Variants in FAM186A observed in about 807,000 individuals in gnomAD.
FAM186A encodes the protein family with sequence similarity 186 member A.
FAM186A carries 163 observed loss-of-function variants against 216.8 expected under a neutral mutation model. The ratio of observed to expected loss-of-function variants is 0.75; its 90% CI spans 0.66 to 0.86. The LOEUF is 0.86. Ranked by LOEUF, FAM186A falls within the 40% of genes least tolerant of loss-of-function variation. FAM186A has a pLI of 0.00. For missense variants in FAM186A, 2,184 were observed against 2,746.2 expected (o/e 0.80, Z 4.58); for synonymous variants, 805 against 1,025.3 (o/e 0.79, Z 4.10).
At chr12:50,346,259 A>AAGAAAGAAAGAAAGAAAGAAAGAT (rs1351669544) in intron 4 of FAM186A, among the ~76,000 whole-genome samples, 1 of 150,622 alleles carries the variant, frequency 6.6e-6, no homozygotes, top group Non-Finnish European at 1.5e-5. Context: ...GAAAGAAAGA[A>AAGAAAGAAAGAAAGAAAGAAAGAT]AGAAAGTCAT....
intron 1 of FAM186A, among the ~76,000 whole-genome samples, chr12:50,379,908 G>C (rs551765701): frequency 3.3e-5 from 5 of 152,174 alleles, no homozygotes; most frequent in Non-Finnish European, 5.9e-5. Context: ...ATACAAGAAG[G>C]ATAAGCCAGA....
Position 50,354,096 on chromosome 12 carries a change from C to T in FAM186A, c.2736G>A (p.Gln912=). The T allele has an allele frequency of 6.4e-7, 1 of 1,551,738 alleles. No individual in the cohort carries two copies. The highest frequency in any genetic ancestry group is 8.7e-7 in the Non-Finnish European group (1 of 1,147,006). Reference sequence around the variant, plus strand: ...TTGACTTTGGAAGCTCTTCTTCCTCCTGTCCTCTTTGCTTTTGCTTTTCCT... The same window carrying T: ...TTGACTTTGGAAGCTCTTCTTCCTCTTGTCCTCTTTGCTTTTGCTTTTCCT... ...EQEEKQKQRG[Q]EEEELPKSSL... Residue 912 remains glutamine, a synonymous_variant, in exon 4 of 8, where the codon CAG becomes CAA. Transcript: ENST00000327337.
intron 1 of FAM186A, among the ~76,000 whole-genome samples, chr12:50,385,095 A>T (rs1943289496): frequency 6.8e-6 from 1 of 147,180 alleles, no homozygotes; most frequent in Admixed American, 6.8e-5. Context: ...ATGAGCCACC[A>T]TGCCCAGCCT....
chr12:50,366,644 AAAAAC>A (rs57311928), intron 1 of FAM186A, among the ~76,000 whole-genome samples: 55,670 of 113,064 alleles, frequency 0.49, 13,845 homozygotes, highest in East Asian at 0.65. Flanking sequence ...AAAAAAAAAA[AAAAAC>A]GTGATCATCA....
intron 4 of FAM186A, among the ~76,000 whole-genome samples, chr12:50,348,423 A>T (rs1428368678): frequency 6.6e-6 from 1 of 151,954 alleles, no homozygotes; most frequent in East Asian, 1.9e-4. Context: ...AGGTTTCACC[A>T]TGTTGGCCAG....
chr12:50,394,131 T>C (rs78001136), intron 1 of FAM186A, among the ~76,000 whole-genome samples: 16,680 of 151,998 alleles, frequency 0.11, 1,821 homozygotes, highest in East Asian at 0.48. Context: ...TATTGGCCAG[T>C]TGGTCTTGAA....
intron 1 of FAM186A, among the ~76,000 whole-genome samples, 196 bp downstream of exon 1, chr12:50,396,097 T>C (rs1010501158): frequency 6.6e-6 from 1 of 152,226 alleles, no homozygotes; most frequent in African/African-American, 2.4e-5. Flanking sequence ...TTAAACCTGA[T>C]ATAAAGAGAT....
At chr12:50,347,501 C>T (rs1942831545) in intron 4 of FAM186A, among the ~76,000 whole-genome samples, 1 of 151,910 alleles carries the variant, frequency 6.6e-6, no homozygotes. Flanking sequence ...GAGGCTGAGG[C>T]AGGTGGACCA....
rs78724690 is a variant in FAM186A at position 50,355,101 on chromosome 12, C to T, written c.1731G>A (p.Glu577=). The T allele has an allele frequency of 3.2e-6, 5 of 1,551,660 alleles. No homozygotes were observed. The highest frequency in any genetic ancestry group is 1.4e-5 in the African/African-American group (1 of 73,158). ...VEPTTESLDK[E]GKGEIRSLVE... ...CTAGGCTTCTAATTTCACCTTTGCC[C>T]TCTTTGTCCAATGACTCAGTGGTGG... is the stretch of plus-strand genomic sequence containing the variant. The change falls in exon 4 of 8, where the codon GAG becomes GAA. Residue 577 remains glutamate, a synonymous_variant. Coordinates refer to ENST00000327337, the MANE Select transcript of FAM186A (RefSeq NM_001145475.3).
Position 50,363,326 on chromosome 12 carries a change from C to T in FAM186A, c.231G>A (p.Val77=). 5 of 1,551,160 alleles carry T rather than the reference C, an allele frequency of 3.2e-6. No individual in the cohort carries two copies. The South Asian group carries it at 6.0e-5, about 18-fold the overall frequency. The change falls in exon 2 of 8, where the codon GTG becomes GTA. Residue 77 remains valine (V), a synonymous_variant. Coordinates refer to ENST00000327337, the MANE Select transcript of FAM186A (RefSeq NM_001145475.3). ...DMQLSEIMNN[V]HRIMTRYTLV... ...GAGTATAGCGAGTCATTATCCGATG[C>T]ACATTGTTCATTATTTCACTCAGCT...
intron 1 of FAM186A, among the ~76,000 whole-genome samples, chr12:50,366,672 A>G (rs1943091505): frequency 6.7e-6 from 1 of 150,332 alleles, no homozygotes; most frequent in Non-Finnish European, 1.5e-5. Context: ...ATTGATACAG[A>G]AAAAGCATTT....
At position 50,353,528 on chromosome 12, in the gene FAM186A, G is replaced by A; in HGVS notation, c.3304C>T (p.Gln1102Ter). 3 of 1,538,098 alleles carry A rather than the reference G, an allele frequency of 2.0e-6. No individual in the cohort carries two copies. Among genetic ancestry groups the A allele is most frequent in the Non-Finnish European group, 2.6e-6 (3 of 1,140,358 alleles). Residue 1102 changes from glutamine (Q) to a stop codon, truncating the protein, a stop_gained, in exon 4 of 8, where the codon CAG (glutamine) becomes TAG (stop). Coordinates refer to ENST00000327337, the MANE Select transcript of FAM186A (RefSeq NM_001145475.3). LOFTEE classifies it high-confidence loss of function. Reference protein sequence around the residue: ...AQAQGITLTLQQAQELGIPLT... With the variant: ...AQAQGITLTL ...GGGATCCCTAGTTCCTGGGCCTGCT[G>A]AAGGGTGAGCGTGATCCCCTGAGCC...
At chr12:50,341,670 A>G (rs1942763774) in intron 4 of FAM186A, among the ~76,000 whole-genome samples, 1 of 152,118 alleles carries the variant, frequency 6.6e-6, no homozygotes, top group Admixed American at 6.6e-5. Flanking sequence ...CCCTGTCTCT[A>G]CTAAAAATAC....
intron 7 of FAM186A, among the ~76,000 whole-genome samples, chr12:50,328,232 A>G (rs1396615445): frequency 6.6e-6 from 1 of 152,190 alleles, no homozygotes; most frequent in Non-Finnish European, 1.5e-5. Context: ...TATCTATACA[A>G]TGGGCCAGGT....
intron 1 of FAM186A, among the ~76,000 whole-genome samples, chr12:50,373,998 A>G (rs1333184210): frequency 6.6e-6 from 1 of 151,980 alleles, no homozygotes; most frequent in Non-Finnish European, 1.5e-5. Flanking sequence ...CATGTCCTTT[A>G]TAAGGACATG....
chr12:50,393,586 C>T (rs932939868), intron 1 of FAM186A, among the ~76,000 whole-genome samples: 1 of 149,988 alleles, frequency 6.7e-6, no homozygotes, highest in Non-Finnish European at 1.5e-5. Flanking sequence ...GTGGCTCAAG[C>T]CTGTAATCTT....
chr12:50,390,597 A>G (rs1279360814), intron 1 of FAM186A, among the ~76,000 whole-genome samples: 1 of 152,238 alleles, frequency 6.6e-6, no homozygotes, highest in East Asian at 1.9e-4. Flanking sequence ...GCTGCTGTCC[A>G]TTACAGTAAT....
intron 1 of FAM186A, among the ~76,000 whole-genome samples, chr12:50,388,134 C>T (rs1238804797): frequency 6.6e-6 from 1 of 152,090 alleles, no homozygotes; most frequent in African/African-American, 2.4e-5. Context: ...CTTTCCCCAC[C>T]CCTGAAGGTT....
intron 7 of FAM186A, among the ~76,000 whole-genome samples, chr12:50,329,317 C>T (rs1365049621): frequency 6.6e-6 from 1 of 151,964 alleles, no homozygotes; most frequent in African/African-American, 2.4e-5. Flanking sequence ...AATATTATCT[C>T]TCAAAATAAC....
Sources: allele counts gnomAD v4.1 joint callset (sites outside exome capture counted in the v4.1 genomes callset), GRCh38; gene constraint gnomAD v4.1.1; transcripts MANE v1.5; gene names NCBI Gene and HGNC (gene_info 2026-07-23, HGNC 2026-07-21).